The following DIO2 variants were observed in gnomAD, a reference collection of about 807,000 sequenced individuals.
DIO2 encodes type II iodothyronine deiodinase.
DIO2 carries 19 observed loss-of-function variants against 21.4 expected under a neutral mutation model. The observed-to-expected ratio is 0.89, with a 90% CI of 0.62 to 1.30. The LOEUF (loss-of-function observed/expected upper bound fraction) is 1.30, where lower values mean the gene tolerates loss of function less well. DIO2 is among the 50% of genes most tolerant of loss of function. The pLI is 0.00. For missense variants in DIO2, 302 were observed against 338.1 expected (o/e 0.89, Z 0.84); for synonymous variants, 122 against 132.9 (o/e 0.92, Z 0.57).
intron 1 of DIO2, among the ~76,000 whole-genome samples, chr14:80,210,081 A>G (rs1165922892): frequency 1.3e-5 from 2 of 152,204 alleles, no homozygotes; most frequent in Admixed American, 1.3e-4. Flanking sequence ...CCTCTAAAAT[A>G]CAGATGTACA....
chr14:80,226,210 C>A (rs991941632), intron 2 of DIO2, among the ~76,000 whole-genome samples: 1 of 152,086 alleles, frequency 6.6e-6, no homozygotes, highest in Admixed American at 6.5e-5. Context: ...GTATTGTCAC[C>A]TAGTTGGTAT....
Position 80,227,136 on chromosome 14 carries a change from A to T in DIO2, c.-277-10399T>A, listed in dbSNP as rs2140024041. On this transcript the variant is annotated intron_variant, in intron 2 of 4. Transcript: ENST00000553594. ...CAGTGATGTCCTAGAAAGGGGCTGC[A>T]GTGCTGTAGCTGTCCACTCTCAGGT... Among the ~76,000 whole-genome samples the T allele has an allele frequency of 2.6e-5, 4 of 152,316 alleles. No homozygotes were observed. In the South Asian group the frequency reaches 8.3e-4, roughly 32 times the overall value.
In DIO2 at chr14:80,202,607, C is replaced by T; in HGVS notation, c.*82G>A. Reference sequence around the variant, plus strand: ...TGTCTTTCAGTAAGCCAATAGGGCTCTGTTGAAATATGGATTCAGTTCTTA... The same window carrying T: ...TGTCTTTCAGTAAGCCAATAGGGCTTTGTTGAAATATGGATTCAGTTCTTA... On this transcript the variant is annotated 3_prime_UTR_variant, in exon 2 of 2. Transcript: ENST00000438257. 2 of 1,388,050 alleles carry T rather than the reference C, an allele frequency of 1.4e-6. No individual in the cohort carries two copies. The highest frequency in any genetic ancestry group is 1.9e-6 in the Non-Finnish European group (2 of 1,037,912). 86.0% of individuals were successfully genotyped at this position (1,388,050 alleles called of 1,614,324 possible). A position where few individuals can be genotyped will look rare whatever the true frequency, so the allele number is the denominator to read the frequency against.
At chr14:80,226,484 T>C (rs1321064511) in intron 2 of DIO2, among the ~76,000 whole-genome samples, 1 of 152,224 alleles carries the variant, frequency 6.6e-6, no homozygotes, top group Non-Finnish European at 1.5e-5. Flanking sequence ...AGTAAATGTC[T>C]ATTCCAGTGA....
chr14:80,224,136 G>A (rs1448255556), intron 2 of DIO2, among the ~76,000 whole-genome samples: 1 of 152,064 alleles, frequency 6.6e-6, no homozygotes, highest in African/African-American at 2.4e-5. Flanking sequence ...ACAATCTTAT[G>A]GCCTAACTAC....
intron 1 of DIO2, among the ~76,000 whole-genome samples, chr14:80,207,766 CTT>C (rs1888005962): frequency 1.3e-5 from 2 of 152,170 alleles, no homozygotes; most frequent in African/African-American, 4.8e-5. Flanking sequence ...TAGCTATTCT[CTT>C]TTTAATTTGT....
Position 80,200,376 on chromosome 14 carries a change from C to T in DIO2, c.*2313G>A, listed in dbSNP as rs1234828280. ...AATATAGCACAACTGGGTGATTTTT[C>T]CATCATCCTTTTCCCCAGTTGACTA... On this transcript the variant is annotated 3_prime_UTR_variant, in exon 2 of 2. Coordinates refer to ENST00000438257, the MANE Select transcript of DIO2 (RefSeq NM_013989.5). The T allele has an allele frequency of 6.6e-6, 1 of 152,580 alleles. No homozygotes were observed. Among genetic ancestry groups the T allele is most frequent in the African/African-American group, 2.4e-5 (1 of 41,442 alleles). 9.5% of individuals were successfully genotyped at this position (152,580 alleles called of 1,614,324 possible). A position where few individuals can be genotyped will look rare whatever the true frequency, so the allele number is the denominator to read the frequency against.
At chr14:80,214,088 A>C (rs1322216086), upstream of DIO2, among the ~76,000 whole-genome samples, 1 of 152,224 alleles carries the variant, frequency 6.6e-6, no homozygotes, top group African/African-American at 2.4e-5. Flanking sequence ...AGTTGATAGC[A>C]CAGTATTTTA....
chr14:80,209,293 A>G (rs1888071093), intron 1 of DIO2, among the ~76,000 whole-genome samples: 1 of 152,084 alleles, frequency 6.6e-6, no homozygotes, highest in Admixed American at 6.5e-5. Context: ...GTTTTTCTTA[A>G]TGAAACATGA....
chr14:80,202,963 T>C lies in DIO2; in HGVS notation c.548A>G (p.Lys183Arg). 1 of 1,614,000 alleles carries C rather than the reference T, an allele frequency of 6.2e-7. No homozygotes were observed. Among genetic ancestry groups the C allele is most frequent in the Non-Finnish European group, 8.5e-7 (1 of 1,179,884 alleles). ...PGDSSLSFEVKKHQNQEDRCA... is the reference protein window; with the variant it reads ...PGDSSLSFEVRKHQNQEDRCA... Reference sequence around the variant, plus strand: ...TCGATCTTCCTGGTTCTGGTGCTTCTTCACCTCAAAAGACAAAGAGGAGTC... The same window carrying C: ...TCGATCTTCCTGGTTCTGGTGCTTCCTCACCTCAAAAGACAAAGAGGAGTC... The change falls in exon 2 of 2, where the codon AAG becomes AGG. Residue 183 changes from lysine to arginine, a missense_variant. Coordinates refer to ENST00000438257, the MANE Select transcript of DIO2 (RefSeq NM_013989.5).
At chr14:80,219,095 C>G (rs1017441377) in intron 2 of DIO2, among the ~76,000 whole-genome samples, 2 of 152,166 alleles carry the variant, frequency 1.3e-5, no homozygotes, top group African/African-American at 4.8e-5. Context: ...GTCCTGGGAC[C>G]TGAAAACTAT....
In DIO2 at chr14:80,198,874, C is replaced by A. The variant is rs1887598123; in HGVS notation, c.*3815G>T. 1 of 151,522 alleles carries A rather than the reference C, an allele frequency of 6.6e-6. No individual in the cohort carries two copies. 9.4% of individuals were successfully genotyped at this position (151,522 alleles called of 1,614,324 possible). On this transcript the variant is annotated 3_prime_UTR_variant, in exon 2 of 2. Transcript: ENST00000438257. ...GGGATGTTCTGAAAAGCTCTAAATG[C>A]TAGTAAAGGTTTTCATTAATCCTTC...
At position 80,202,609 on chromosome 14, in the gene DIO2, G is replaced by A. The variant is rs1222443629; in HGVS notation, c.*80C>T. The A allele has an allele frequency of 2.8e-6, 4 of 1,414,354 alleles. No homozygotes were observed. Among genetic ancestry groups the A allele is most frequent in the Admixed American group, 4.8e-5 (2 of 41,870 alleles). 87.6% of individuals were successfully genotyped at this position (1,414,354 alleles called of 1,614,324 possible). A position where few individuals can be genotyped will look rare whatever the true frequency, so the allele number is the denominator to read the frequency against. On this transcript the variant is annotated 3_prime_UTR_variant, in exon 2 of 2. Coordinates refer to ENST00000438257, the MANE Select transcript of DIO2 (RefSeq NM_013989.5). ...TCTTTCAGTAAGCCAATAGGGCTCTGTTGAAATATGGATTCAGTTCTTAAT... is the reference window on the plus strand; with the variant it reads ...TCTTTCAGTAAGCCAATAGGGCTCTATTGAAATATGGATTCAGTTCTTAAT...
chr14:80,230,246 A>T (rs1017777983), intron 2 of DIO2, among the ~76,000 whole-genome samples: 2 of 152,272 alleles, frequency 1.3e-5, no homozygotes, highest in Admixed American at 1.3e-4. Context: ...ACACATCCCC[A>T]TTCCAAATTT....
intron 2 of DIO2, among the ~76,000 whole-genome samples, chr14:80,220,206 C>G (rs1358002061): frequency 6.6e-6 from 1 of 152,192 alleles, no homozygotes; most frequent in African/African-American, 2.4e-5. Flanking sequence ...TTCTGAGCAG[C>G]TGGGACTACA....
At chr14:80,209,111 T>C (rs1296965821) in intron 1 of DIO2, among the ~76,000 whole-genome samples, 1 of 152,184 alleles carries the variant, frequency 6.6e-6, no homozygotes, top group Non-Finnish European at 1.5e-5. Context: ...TATTGCAACA[T>C]AATGGAACAC....
At position 80,206,315 on chromosome 14, in the gene DIO2, A is replaced by T. The variant is rs764872574; in HGVS notation, c.223-3027T>A. ...GTCATAAAATGTGTCCATCTTTGCT[A>T]AAACCTGATGGAGGACAATTTAGCT... On this transcript the variant is annotated intron_variant, in intron 1 of 1. Coordinates refer to ENST00000438257, the MANE Select transcript of DIO2 (RefSeq NM_013989.5). The T allele has an allele frequency of 2.6e-6, 4 of 1,564,610 alleles. No individual in the cohort carries two copies. The South Asian group carries it at 4.9e-5, about 19-fold the overall frequency.
chr14:80,204,084 G>A (rs1240717174), intron 1 of DIO2, among the ~76,000 whole-genome samples: 1 of 151,822 alleles, frequency 6.6e-6, no homozygotes, highest in Admixed American at 6.6e-5. Flanking sequence ...GTTTGTTTTT[G>A]TTTTTTTAAA....
intron 2 of DIO2, among the ~76,000 whole-genome samples, chr14:80,223,075 TG>T (rs1024974624): frequency 1.3e-5 from 2 of 152,144 alleles, no homozygotes; most frequent in African/African-American, 4.8e-5. Context: ...CTCAAACTCC[TG>T]GGCTCAAGAG....
Sources: gnomAD v4.1 joint callset for allele counts (sites outside exome capture counted in the v4.1 genomes callset) on GRCh38, gnomAD v4.1.1 for gene constraint, MANE v1.5 for transcripts, NCBI Gene and HGNC (gene_info 2026-07-23, HGNC 2026-07-21) for gene names.